Variants in DIAPH2 observed in about 807,000 individuals in gnomAD.
The protein encoded by DIAPH2 is diaphanous related formin 2.
DIAPH2 carries 35 observed loss-of-function variants against 92.7 expected under a neutral mutation model. The ratio of observed to expected loss-of-function variants is 0.38; its 90% CI spans 0.29 to 0.50. DIAPH2 has a LOEUF of 0.50. Among genes scored for constraint, DIAPH2 ranks in the 20% least tolerant of loss-of-function variants. The probability of loss-of-function intolerance (pLI) is 0.94; values close to 1 mark genes in which losing one functional copy is unlikely to be tolerated. For synonymous variants in DIAPH2, 301 were observed against 280.4 expected, an observed-to-expected ratio of 1.07 and a Z score of -0.73; for missense variants, 701 against 819.5, an observed-to-expected ratio of 0.86 and a Z score of 1.77.
intron 23 of DIAPH2, among the ~76,000 whole-genome samples, chrX:97,343,458 C>G (rs1476616260): frequency 9.0e-6 from 1 of 111,532 alleles, no homozygotes; most frequent in African/African-American, 3.3e-5. Flanking sequence ...CACCTGAGGT[C>G]AGGAGTTCAA....
intron 3 of DIAPH2, among the ~76,000 whole-genome samples, chrX:96,746,767 G>C (rs1013107134): frequency 9.1e-6 from 1 of 110,155 alleles, no homozygotes; most frequent in Admixed American, 9.7e-5. Flanking sequence ...GGCTGATCTT[G>C]AACTCCTGGG....
intron 25 of DIAPH2, among the ~76,000 whole-genome samples, chrX:97,428,587 AT>A (rs1261564882): frequency 1.8e-5 from 2 of 111,472 alleles, no homozygotes; most frequent in African/African-American, 6.5e-5. Context: ...CCCATAGTTA[AT>A]TTTTTAAACA....
chrX:97,047,251 G>A (rs1163427939), intron 17 of DIAPH2, among the ~76,000 whole-genome samples: 2 of 110,731 alleles, frequency 1.8e-5, no homozygotes, highest in Non-Finnish European at 3.8e-5. Flanking sequence ...TTTATAGAAC[G>A]ATGACTGAAT....
chrX:97,293,854 G>A (rs1290612704), intron 23 of DIAPH2, among the ~76,000 whole-genome samples: 4 of 111,853 alleles, frequency 3.6e-5, no homozygotes, highest in South Asian at 3.7e-4. Context: ...TACATAAATA[G>A]TGATTAAAGT....
At chrX:97,229,856 A>G (rs2147525835) in intron 22 of DIAPH2, among the ~76,000 whole-genome samples, 1 of 103,619 alleles carries the variant, frequency 9.7e-6, no homozygotes, top group Non-Finnish European at 2.0e-5. Flanking sequence ...TATATAACAT[A>G]TTATATATTA....
chrX:97,010,211 A>G lies in DIAPH2; in HGVS notation c.2050+45004A>G, dbSNP rs772702982. ...GTTCTACCCCATATTGCTTTCTGCT[A>G]TGACATGTCAGCATTGGGTTACAAT... On this transcript the variant is annotated intron_variant, in intron 17 of 26. Coordinates refer to ENST00000324765, the MANE Select transcript of DIAPH2 (RefSeq NM_006729.5). 2.6e-4 allele frequency among the ~76,000 whole-genome samples: 29 copies of G among 111,276 alleles called. 1 individual carries two copies. The highest frequency in any genetic ancestry group is 8.2e-4 in the African/African-American group (25 of 30,616).
At chrX:97,068,536 T>A (rs1336568298) in intron 17 of DIAPH2, among the ~76,000 whole-genome samples, 1 of 111,602 alleles carries the variant, frequency 9.0e-6, no homozygotes, top group African/African-American at 3.3e-5. Context: ...TGATTCAGAA[T>A]ACAGTAGAAA....
chrX:96,846,107 C>T, intron 4 of DIAPH2, among the ~76,000 whole-genome samples: 1 of 105,397 alleles, frequency 9.5e-6, no homozygotes, highest in East Asian at 3.0e-4. Context: ...TCCGGCCGAG[C>T]AATACATTTC....
At chrX:96,758,825 C>T (rs6523052) in intron 4 of DIAPH2, among the ~76,000 whole-genome samples, 17,313 of 110,413 alleles carry the variant, frequency 0.16, 1,179 homozygotes, top group East Asian at 0.32. Flanking sequence ...TTTGTGAGTC[C>T]CAAGACTTGA....
intron 22 of DIAPH2, among the ~76,000 whole-genome samples, chrX:97,169,434 C>G (rs775794030): frequency 3.6e-4 from 40 of 111,741 alleles, no homozygotes; most frequent in South Asian, 1.1e-3. Context: ...TTGAGATAGT[C>G]TATATGCAAG....
intron 4 of DIAPH2, among the ~76,000 whole-genome samples, chrX:96,877,921 C>T (rs186268527): frequency 1.4e-3 from 158 of 112,234 alleles, no homozygotes; most frequent in African/African-American, 4.9e-3. Flanking sequence ...TTTGGAATAG[C>T]ATGATGTATG....
chrX:96,778,600 C>T (rs745756187), intron 4 of DIAPH2, among the ~76,000 whole-genome samples: 3 of 111,076 alleles, frequency 2.7e-5, no homozygotes, highest in African/African-American at 9.8e-5. Context: ...TCAAATTTCT[C>T]CAACTATCCC....
intron 1 of DIAPH2, among the ~76,000 whole-genome samples, chrX:96,706,199 G>A (rs2147529813): frequency 8.9e-6 from 1 of 112,088 alleles, no homozygotes; most frequent in Admixed American, 9.5e-5. Flanking sequence ...TATTTGAATA[G>A]GCCATGTGCT....
intron 4 of DIAPH2, among the ~76,000 whole-genome samples, chrX:96,823,745 T>C (rs184919830): frequency 8.1e-5 from 9 of 110,565 alleles, no homozygotes; most frequent in African/African-American, 2.9e-4. Flanking sequence ...TTTTGCCTTG[T>C]TTACCAACTT....
chrX:97,192,039 C>G (rs922306896), intron 22 of DIAPH2, among the ~76,000 whole-genome samples: 1 of 111,400 alleles, frequency 9.0e-6, no homozygotes. Flanking sequence ...CACCTGTAAT[C>G]CCAGCACTTT....
intron 20 of DIAPH2, among the ~76,000 whole-genome samples, chrX:97,108,001 T>C (rs903546182): frequency 1.9e-4 from 21 of 109,818 alleles, no homozygotes; most frequent in African/African-American, 6.6e-4. Context: ...ATTTGTGCTC[T>C]TTTCCTTTCT....
chrX:97,341,007 T>G (rs1222226091), intron 23 of DIAPH2: 1 of 90,905 alleles, frequency 1.1e-5, no homozygotes, highest in African/African-American at 3.5e-5. Flanking sequence ...TTTTTTTTTT[T>G]GTGAGGCATC....
intron 7 of DIAPH2, among the ~76,000 whole-genome samples, chrX:96,915,773 G>A (rs5921879): frequency 0.039 from 4,348 of 111,354 alleles, 104 homozygotes; most frequent in Middle Eastern, 0.083. Context: ...TATTAAGTGC[G>A]TGCATGCACA....
intron 1 of DIAPH2, among the ~76,000 whole-genome samples, chrX:96,729,159 G>GT (rs1199931984): frequency 8.9e-6 from 1 of 112,017 alleles, no homozygotes; most frequent in Non-Finnish European, 1.9e-5. Flanking sequence ...TGAGTTTCTG[G>GT]TAAGTCTTTT....
Sources: allele counts gnomAD v4.1 joint callset (sites outside exome capture counted in the v4.1 genomes callset), GRCh38; gene constraint gnomAD v4.1.1; transcripts MANE v1.5; gene names NCBI Gene and HGNC (gene_info 2026-07-23, HGNC 2026-07-21).